ATXN2: variants seen among roughly 807,000 people sequenced by gnomAD.
The protein encoded by ATXN2 is ataxin-2.
Under a neutral mutation model 138.6 loss-of-function variants are expected in ATXN2, and 37 were observed. The observed-to-expected ratio is 0.27, with a 90% CI of 0.21 to 0.35. The LOEUF is 0.35. Ranked by LOEUF, ATXN2 falls within the 10% of genes least tolerant of loss-of-function variation. The pLI is 1.00. For synonymous variants in ATXN2, 549 were observed against 543.7 expected (o/e 1.01, Z -0.13); for missense variants, 1,216 against 1,480.3 (o/e 0.82, Z 2.93).
chr12:111,455,969 T>C (rs1471707547), intron 23 of ATXN2, 60 bp downstream of exon 23: 1 of 1,509,568 alleles, frequency 6.6e-7, no homozygotes, highest in Admixed American at 1.7e-5. Flanking sequence ...TCTAGCTGCT[T>C]ACTGATAACC....
intron 14 of ATXN2, among the ~76,000 whole-genome samples, chr12:111,489,684 G>A (rs1341420360): frequency 6.6e-6 from 1 of 151,334 alleles, no homozygotes; most frequent in African/African-American, 2.4e-5. Flanking sequence ...CCCTTTGGGA[G>A]GCTGAGACAA....
intron 23 of ATXN2, chr12:111,454,766 CT>C: frequency 2.4e-6 from 1 of 422,110 alleles, no homozygotes; most frequent in Non-Finnish European, 4.4e-6. Context: ...CTGTGTTAAC[CT>C]TTTTGCCCTT....
chr12:111,473,190 C>T (rs1247642810), intron 18 of ATXN2, among the ~76,000 whole-genome samples: 5 of 151,806 alleles, frequency 3.3e-5, no homozygotes, highest in Admixed American at 2.6e-4. Flanking sequence ...GGGGGGATTG[C>T]CTTAGCTCGG....
chr12:111,515,341 T>A (rs1464814669), intron 10 of ATXN2, among the ~76,000 whole-genome samples: 1 of 152,190 alleles, frequency 6.6e-6, no homozygotes, highest in African/African-American at 2.4e-5. Context: ...AAAAGGACAT[T>A]ATGATTCAGA....
At chr12:111,599,354 G>A (rs1257412203), upstream of ATXN2, 1 of 1,080,178 alleles carries the variant, frequency 9.3e-7, no homozygotes, top group Non-Finnish European at 1.1e-6. Flanking sequence ...CGGGGGAGGG[G>A]CGGCGGAGGG....
chr12:111,546,883 T>C (rs1009194750), intron 5 of ATXN2, among the ~76,000 whole-genome samples: 2 of 152,330 alleles, frequency 1.3e-5, no homozygotes, highest in Admixed American at 6.5e-5. Context: ...TCTCTTCTAA[T>C]TATGAATGTG....
At chr12:111,527,926 G>A (rs930521516) in intron 5 of ATXN2, among the ~76,000 whole-genome samples, 7 of 152,116 alleles carry the variant, frequency 4.6e-5, no homozygotes, top group Non-Finnish European at 8.8e-5. Flanking sequence ...GTATTTTCAA[G>A]AATGTAAAAT....
chr12:111,532,853 G>GAA (rs33992543), intron 5 of ATXN2, among the ~76,000 whole-genome samples: 27,087 of 121,460 alleles, frequency 0.22, 2,807 homozygotes, highest in East Asian at 0.35. Context: ...TAGGTTTAAG[G>GAA]AAAAAAAAAA....
At chr12:111,560,434 C>T (rs1367517276) in intron 1 of ATXN2, among the ~76,000 whole-genome samples, 1 of 152,006 alleles carries the variant, frequency 6.6e-6, no homozygotes, top group Non-Finnish European at 1.5e-5. Context: ...ACCAATCCCC[C>T]AAGGACACCA....
rs760335096 is a variant in ATXN2, at chr12:111,554,175, T to C, written c.331A>G (p.Ile111Val). ...GIYANMRMVH[I>V]LTSVVGSKCE... Reference sequence around the variant, plus strand: ...TAACTTACAACAACTGATGTAAGTATATGAACCATCCTCATATTTGCATAG... The same window carrying C: ...TAACTTACAACAACTGATGTAAGTACATGAACCATCCTCATATTTGCATAG... Residue 111 changes from isoleucine (I) to valine (V), a missense_variant, in exon 3 of 25, where the codon ATA (isoleucine) becomes GTA (valine). Ile to Val is a conservative substitution (Grantham distance 29, BLOSUM62 3). Transcript: ENST00000673436. 9 of 1,495,860 alleles carry C rather than the reference T, an allele frequency of 6.0e-6. No homozygotes were observed. Among genetic ancestry groups the C allele is most frequent in the Admixed American group, 2.2e-5 (1 of 45,526 alleles). The allele number at this position is 1,495,860 out of a possible 1,614,324, so 92.7% of individuals were successfully genotyped here. A position where few individuals can be genotyped will look rare whatever the true frequency, so the allele number is the denominator to read the frequency against.
chr12:111,509,719 T>A, intron 13 of ATXN2, 100 bp from the exon 14 acceptor site: 1 of 933,750 alleles, frequency 1.1e-6, no homozygotes, highest in Non-Finnish European at 1.6e-6. Flanking sequence ...AGATATAAGA[T>A]CAGAAAATAA....
intron 20 of ATXN2, among the ~76,000 whole-genome samples, chr12:111,467,929 C>G (rs758696583): frequency 6.6e-6 from 1 of 152,204 alleles, no homozygotes; most frequent in Non-Finnish European, 1.5e-5. Flanking sequence ...CTCAACATTA[C>G]AGTATTATTG....
rs1566091201 is a variant in ATXN2 at position 111,598,994 on chromosome 12, TGCTGCTGCTGC to T, written c.30_40del (p.Gln11AlafsTer75). 18 of 1,402,310 alleles carry T rather than the reference TGCTGCTGCTGC, an allele frequency of 1.3e-5. No individual in the cohort carries two copies. Among genetic ancestry groups the T allele is most frequent in the East Asian group, 8.8e-5 (3 of 34,204 alleles). 86.9% of individuals were successfully genotyped at this position (1,402,310 alleles called of 1,614,324 possible). ...CTGCTGCTGTTGCTGCTGCTGCTGC[TGCTGCTGCTGC>T]TGCTGCTGCTGCTGGGGCTTCAGCG... On this transcript the variant is annotated frameshift_variant, in exon 1 of 25. Coordinates refer to ENST00000673436, the MANE Select transcript of ATXN2 (RefSeq NM_001372574.1). LOFTEE classifies it high-confidence loss of function. This position sits in a 1 kb window ranked among gnomAD's most constrained non-coding sequence, Gnocchi z 4.5.
chr12:111,494,168 G>A (rs1229148157), intron 14 of ATXN2, among the ~76,000 whole-genome samples: 1 of 151,970 alleles, frequency 6.6e-6, no homozygotes, highest in Non-Finnish European at 1.5e-5. Flanking sequence ...GACCTTAGGT[G>A]ATCCGCCCAC....
At chr12:111,590,048 A>T (rs534948210) in intron 1 of ATXN2, among the ~76,000 whole-genome samples, 13 of 145,190 alleles carry the variant, frequency 9.0e-5, no homozygotes, top group African/African-American at 3.2e-4. Flanking sequence ...CATCTCTACT[A>T]AAAAAAAATA....
chr12:111,480,458 C>T (rs1276912635), intron 18 of ATXN2, among the ~76,000 whole-genome samples: 2 of 152,110 alleles, frequency 1.3e-5, no homozygotes, highest in African/African-American at 4.8e-5. Flanking sequence ...AGGCAGATCA[C>T]GAGATCAGGA....
chr12:111,487,714 C>T (rs1464939566), intron 15 of ATXN2, among the ~76,000 whole-genome samples: 1 of 152,056 alleles, frequency 6.6e-6, no homozygotes, highest in South Asian at 2.1e-4. Context: ...CTGCTTGGAC[C>T]TCCCAGAGTG....
chr12:111,456,112 C>G lies in ATXN2; in HGVS notation c.3187G>C (p.Ala1063Pro), dbSNP rs1247225158. 2.5e-6 allele frequency: 4 copies of G among 1,614,184 alleles called. No homozygotes were observed. The highest frequency in any genetic ancestry group is 3.4e-6 in the Non-Finnish European group (4 of 1,180,042). ...TGGATCGTAAAGACAGTCTGTTGTG[C>G]TGCTGGGAAACTATTCTGTGGCGAC... ...TQSPQNSFPA[A>P]QQTVFTIHPS... Residue 1063 changes from alanine to proline, a missense_variant, in exon 23 of 25, where the codon GCA becomes CCA. Coordinates refer to ENST00000673436, the MANE Select transcript of ATXN2 (RefSeq NM_001372574.1).
In ATXN2 at chr12:111,453,266, A is replaced by G; in HGVS notation, c.3439+411T>C. Reference sequence around the variant, plus strand: ...CTACACTCAAAGCCAGTCCATCCACAGCGCTTTCTCAGCAGTATCTTCTCC... The same window carrying G: ...CTACACTCAAAGCCAGTCCATCCACGGCGCTTTCTCAGCAGTATCTTCTCC... On this transcript the variant is annotated intron_variant, in intron 24 of 24. Coordinates refer to ENST00000673436, the MANE Select transcript of ATXN2 (RefSeq NM_001372574.1). The surrounding 1 kb of genome is among the most constrained non-coding windows in gnomAD (Gnocchi z 5.4). The G allele has an allele frequency of 9.4e-7, 1 of 1,061,120 alleles. No individual in the cohort carries two copies. Among genetic ancestry groups the G allele is most frequent in the Non-Finnish European group, 1.1e-6 (1 of 879,506 alleles). The allele number at this position is 1,061,120 out of a possible 1,614,324, so 65.7% of individuals were successfully genotyped here. A position where few individuals can be genotyped will look rare whatever the true frequency, so the allele number is the denominator to read the frequency against.
Sources: allele counts gnomAD v4.1 joint callset (sites outside exome capture counted in the v4.1 genomes callset), GRCh38; gene constraint gnomAD v4.1.1; non-coding constraint Gnocchi (gnomAD v3.1); transcripts MANE v1.5; gene names NCBI Gene and HGNC (gene_info 2026-07-23, HGNC 2026-07-21).